DYRK4: variants seen among roughly 807,000 people sequenced by gnomAD.
DYRK4 encodes dual specificity tyrosine phosphorylation regulated kinase 4.
DYRK4 carries 64 observed loss-of-function variants against 68.3 expected under a neutral mutation model. That is an observed-to-expected ratio of 0.94 (90% CI 0.77 to 1.15). The LOEUF (loss-of-function observed/expected upper bound fraction) is 1.15, where lower values mean the gene tolerates loss of function less well. Among genes scored for constraint, DYRK4 ranks in the 50% most tolerant of loss-of-function variants. DYRK4 has a pLI of 0.00. For synonymous variants in DYRK4, 274 were observed against 289.9 expected (o/e 0.95, Z 0.56); for missense variants, 740 against 764.7 (o/e 0.97, Z 0.38).
At chr12:4,580,642 T>G (rs758094217) in intron 2 of DYRK4, among the ~76,000 whole-genome samples, 15 of 152,180 alleles carry the variant, frequency 9.9e-5, no homozygotes, top group Admixed American at 2.6e-4. Context: ...TTCTTTCTCC[T>G]GGTCACACCC....
chr12:4,592,781 C>T, intron 5 of DYRK4: 1 of 487,960 alleles, frequency 2.0e-6, no homozygotes, highest in Admixed American at 3.7e-5. Context: ...TTCCCCTGTC[C>T]TTGTGTTCCT....
Position 4,602,313 on chromosome 12 carries a change from C to T in DYRK4, c.1126+2525C>T, listed in dbSNP as rs142011125. On this transcript the variant is annotated intron_variant, in intron 10 of 14. Transcript: ENST00000543431. ...TGCCATTCTCCCTCTTTTTTTCTTC[C>T]TCTTCTTCTATTTTCTGTTGCTCTT... is the stretch of plus-strand genomic sequence containing the variant. The T allele has an allele frequency of 1.3e-3, 1,174 of 925,610 alleles. 9 individuals are homozygous for T. In the African/African-American group the frequency reaches 0.016, roughly 12 times the overall value. The allele number at this position is 925,610 out of a possible 1,614,324, so 57.3% of individuals were successfully genotyped here.
At chr12:4,600,771 G>A (rs985453091) in intron 10 of DYRK4, among the ~76,000 whole-genome samples, 21 of 152,048 alleles carry the variant, frequency 1.4e-4, no homozygotes, top group African/African-American at 5.1e-4. Context: ...TACCCTGGAA[G>A]CTCTCTGAAT....
chr12:4,581,396 C>T (rs1555121473), intron 2 of DYRK4, among the ~76,000 whole-genome samples: 1 of 152,180 alleles, frequency 6.6e-6, no homozygotes, highest in Non-Finnish European at 1.5e-5. Context: ...TCTCTTGTTT[C>T]CTTTGAGTAG....
intron 1 of DYRK4, chr12:4,563,285 A>T: frequency 2.6e-6 from 1 of 388,218 alleles, no homozygotes; most frequent in East Asian, 7.3e-5. Flanking sequence ...CCTTATGGAG[A>T]AAGCAGAGGT....
Sources: allele counts gnomAD v4.1 joint callset (sites outside exome capture counted in the v4.1 genomes callset), GRCh38; gene constraint gnomAD v4.1.1; transcripts MANE v1.5; gene names NCBI Gene and HGNC (gene_info 2026-07-23, HGNC 2026-07-21).